CPS1: variants seen among roughly 807,000 people sequenced by gnomAD.
CPS1 encodes carbamoyl-phosphate synthase [ammonia], mitochondrial.
A neutral mutation model predicts 174.6 loss-of-function variants in CPS1; 109 were observed. The ratio of observed to expected loss-of-function variants is 0.62; its 90% confidence interval spans 0.53 to 0.73. The LOEUF (loss-of-function observed/expected upper bound fraction) is 0.73, where lower values mean the gene tolerates loss of function less well. Ranked by LOEUF, CPS1 falls within the 30% of genes least tolerant of loss-of-function variation. The pLI, the probability that CPS1 is intolerant of heterozygous loss-of-function variation, is 0.00. For synonymous variants in CPS1, 637 were observed against 632.0 expected, an observed-to-expected ratio of 1.01 and a Z score of -0.12; for missense variants, 1,689 against 1,821.9, an observed-to-expected ratio of 0.93 and a Z score of 1.33.
chr2:210,520,400 A>G (rs1695789459), intron 1 of CPS1, among the ~76,000 whole-genome samples: 1 of 152,084 alleles, frequency 6.6e-6, no homozygotes, highest in East Asian at 1.9e-4. Context: ...GCACCTATCA[A>G]CCCGCCATCT....
In CPS1 at chr2:210,599,366, T is replaced by G. The variant is rs1236520256; in HGVS notation, c.1360-6T>G. The G allele has an allele frequency of 1.2e-6, 2 of 1,611,906 alleles. No individual in the cohort carries two copies. The highest frequency in any genetic ancestry group is 1.7e-6 in the Non-Finnish European group (2 of 1,178,580). On this transcript the variant is annotated splice_polypyrimidine_tract_variant and splice_region_variant and intron_variant, in intron 13 of 37. Coordinates refer to ENST00000233072, the MANE Select transcript of CPS1 (RefSeq NM_001875.5). ...TTCATGTACTGGATTCTTTTGTTTCTTTCAGGAAGAAAATGTCAAAACTGT... is the reference window on the plus strand; with the variant it reads ...TTCATGTACTGGATTCTTTTGTTTCGTTCAGGAAGAAAATGTCAAAACTGT...
intron 25 of CPS1, 21 bp downstream of exon 25, chr2:210,642,686 A>G: frequency 6.2e-7 from 1 of 1,602,640 alleles, no homozygotes; most frequent in Non-Finnish European, 8.5e-7. Flanking sequence ...AAAAACAGAA[A>G]AAAAAGAAAA....
Position 210,639,050 on chromosome 2 carries a change from T to TA in CPS1, c.2830-99dup. The TA allele has an allele frequency of 4.7e-6, 4 of 845,060 alleles. No homozygotes were observed. In the South Asian group the frequency reaches 5.9e-5, roughly 12 times the overall value. 52.3% of individuals were successfully genotyped at this position (845,060 alleles called of 1,614,324 possible). ...TTCCTGTTTGCATACTTTACAGTAATAGGAATTAAAGGAATATGTATATAA... is the reference window on the plus strand; with the variant it reads ...TTCCTGTTTGCATACTTTACAGTAATAAGGAATTAAAGGAATATGTATATAA... On this transcript the variant is annotated intron_variant, in intron 22 of 37. Transcript: ENST00000233072.
At chr2:210,579,637 C>T in intron 4 of CPS1, 77 bp from the exon 5 acceptor site, 2 of 1,181,568 alleles carry the variant, frequency 1.7e-6, no homozygotes, top group Non-Finnish European at 2.5e-6. Context: ...TAGATGAGGC[C>T]AAGTTTGTAA....
chr2:210,513,121 TATATATATATGGAG>T (rs1326960055), intron 1 of CPS1, among the ~76,000 whole-genome samples: 8 of 91,836 alleles, frequency 8.7e-5, no homozygotes, highest in Non-Finnish European at 1.4e-4. Context: ...TATATGGAGA[TATATATATATGGAG>T]ATATATATAT....
At chr2:210,663,089 T>C (rs761552530) in intron 32 of CPS1, 34 bp from the exon 33 acceptor site, 24 of 1,550,728 alleles carry the variant, frequency 1.5e-5, no homozygotes, top group Non-Finnish European at 1.9e-5. Flanking sequence ...TTCCCTCACA[T>C]AATTTTTCTC....
chr2:210,657,638 G>A (rs1365531371), intron 30 of CPS1: 1 of 152,136 alleles, frequency 6.6e-6, no homozygotes, highest in Non-Finnish European at 1.5e-5. Flanking sequence ...GCTTTGAGGA[G>A]GTCCCATTAG....
chr2:210,492,602 A>T (rs1694900739), intron 1 of CPS1, among the ~76,000 whole-genome samples: 1 of 152,030 alleles, frequency 6.6e-6, no homozygotes, highest in Admixed American at 6.6e-5. Flanking sequence ...TTAATTTTAG[A>T]ATCTGTAAGT....
intron 5 of CPS1, among the ~76,000 whole-genome samples, chr2:210,580,954 A>G (rs1302942545): frequency 6.6e-6 from 1 of 152,082 alleles, no homozygotes; most frequent in Admixed American, 6.6e-5. Flanking sequence ...ATATTGACAC[A>G]GGCTTTCTGT....
chr2:210,599,147 T>C (rs1163626260), intron 13 of CPS1, among the ~76,000 whole-genome samples: 1 of 151,888 alleles, frequency 6.6e-6, no homozygotes, highest in Non-Finnish European at 1.5e-5. Flanking sequence ...ATGGCGATCT[T>C]CATGAGACAG....
chr2:210,488,622 G>A lies in CPS1; in HGVS notation c.3+10856G>A, dbSNP rs573601092. ...GTACCATTGCCTTCAGAGATTAAGG[G>A]CGCACATTGTGAGCAGAAATAAACC... On this transcript the variant is annotated intron_variant, in intron 1 of 38. Coordinates refer to the CPS1 transcript ENST00000430249. Among the ~76,000 whole-genome samples, 18 of 152,292 alleles carry A rather than the reference G, an allele frequency of 1.2e-4. No homozygotes were observed. In the East Asian group the frequency reaches 2.1e-3, roughly 18 times the overall value.
chr2:210,610,837 CG>C (rs1052842514), intron 19 of CPS1, among the ~76,000 whole-genome samples: 13 of 150,396 alleles, frequency 8.6e-5, no homozygotes, highest in South Asian at 2.1e-4. Context: ...TTGTTATACA[CG>C]TTTTTTTTTT....
intron 1 of CPS1, among the ~76,000 whole-genome samples, chr2:210,487,753 T>C (rs1461359261): frequency 6.6e-6 from 1 of 152,224 alleles, no homozygotes; most frequent in South Asian, 2.1e-4. Context: ...AGTTTGGCTT[T>C]TCTCATTCAA....
intron 1 of CPS1, among the ~76,000 whole-genome samples, chr2:210,492,818 AG>A (rs1180252882): frequency 6.6e-6 from 1 of 152,094 alleles, no homozygotes; most frequent in African/African-American, 2.4e-5. Context: ...AAGGATTCAA[AG>A]AAAACATATC....
chr2:210,600,207 T>C (rs939949601), intron 14 of CPS1, among the ~76,000 whole-genome samples: 1 of 151,772 alleles, frequency 6.6e-6, no homozygotes, highest in Non-Finnish European at 1.5e-5. Context: ...TAGGTACTCA[T>C]ATATTTGGGA....
At chr2:210,557,014 C>A (rs1370963764) in intron 1 of CPS1, among the ~76,000 whole-genome samples, 155 bp downstream of exon 1, 1 of 152,048 alleles carries the variant, frequency 6.6e-6, no homozygotes, top group Non-Finnish European at 1.5e-5. Flanking sequence ...ACTGACTTAG[C>A]AAATGCTAAT....
At chr2:210,647,377 A>G (rs575231935) in intron 25 of CPS1, among the ~76,000 whole-genome samples, 1 of 152,310 alleles carries the variant, frequency 6.6e-6, no homozygotes, top group South Asian at 2.1e-4. Context: ...TCAAAAGTTT[A>G]TGCTTTATTC....
intron 1 of CPS1, among the ~76,000 whole-genome samples, chr2:210,571,415 A>C (rs1036882472): frequency 3.9e-5 from 6 of 151,958 alleles, no homozygotes; most frequent in African/African-American, 1.4e-4. Flanking sequence ...ACATTGTTCA[A>C]TCTTTCTCAG....
intron 1 of CPS1, among the ~76,000 whole-genome samples, chr2:210,548,891 C>T (rs1696638667): frequency 6.6e-6 from 1 of 152,080 alleles, no homozygotes; most frequent in South Asian, 2.1e-4. Flanking sequence ...GGTCCTATTT[C>T]CGATTTCCAG....
Sources: gnomAD v4.1 joint callset for allele counts (sites outside exome capture counted in the v4.1 genomes callset) on GRCh38, gnomAD v4.1.1 for gene constraint, MANE v1.5 for transcripts, NCBI Gene and HGNC (gene_info 2026-07-23, HGNC 2026-07-21) for gene names.